The following ACTN3 variants were observed in gnomAD, a reference collection of about 807,000 sequenced individuals.
The protein encoded by ACTN3 is alpha-actinin-3.
A neutral mutation model predicts 119.6 loss-of-function variants in ACTN3; 91 were observed. The observed-to-expected ratio is 0.76, with a 90% CI of 0.64 to 0.91. ACTN3 has a LOEUF of 0.91. Among genes scored for constraint, ACTN3 ranks in the 40% least tolerant of loss-of-function variants. The probability of loss-of-function intolerance (pLI) is 0.00; values close to 1 mark genes in which losing one functional copy is unlikely to be tolerated. For synonymous variants in ACTN3, 456 were observed against 478.8 expected (o/e 0.95, Z 0.62); for missense variants, 1,221 against 1,215.1 (o/e 1.00, Z -0.07).
rs758425045 is a variant in ACTN3 at position 66,561,509 on chromosome 11, G to C, written c.2047G>C (p.Ala683Pro). The C allele has an allele frequency of 6.2e-7, 1 of 1,605,912 alleles. No homozygotes were observed. The highest frequency in any genetic ancestry group is 8.5e-7 in the Non-Finnish European group (1 of 1,176,276). ...AGCTGGCTCTCTGGAGGAGCAGATGGCTGGGCTACGGCAGCAGGAGCAGAA... is the reference window on the plus strand; with the variant it reads ...AGCTGGCTCTCTGGAGGAGCAGATGCCTGGGCTACGGCAGCAGGAGCAGAA... The part of the protein sequence containing the change: ...GLAGSLEEQM[A>P]GLRQQEQNII... The change falls in exon 17 of 21, where the codon GCT becomes CCT. Residue 683 changes from alanine to proline, a missense_variant. Ala to Pro is a conservative substitution (Grantham distance 27). Around this residue, in one of 3 missense-constraint regions of ACTN3, gnomAD observed 934 missense variants for 899.9 expected, o/e 1.04. Coordinates refer to ENST00000513398, the MANE Select transcript of ACTN3 (RefSeq NM_001104.4).
At chr11:66,561,149 G>C (rs1857749519) in intron 15 of ACTN3, 78 bp from the exon 16 acceptor site, 3 of 1,448,184 alleles carry the variant, frequency 2.1e-6, no homozygotes, top group Non-Finnish European at 2.7e-6. Flanking sequence ...GCTGAGGTTT[G>C]AGGGGCTGGA....
rs1044294752 is a variant in ACTN3 at position 66,559,535 on chromosome 11, G to A, written c.1427+149G>A. 1.0e-5 allele frequency: 8 copies of A among 768,000 alleles called. No homozygotes were observed. The African/African-American group carries it at 1.5e-4, about 14-fold the overall frequency. The allele number at this position is 768,000 out of a possible 1,614,324, so 47.6% of individuals were successfully genotyped here. A position where few individuals can be genotyped will look rare whatever the true frequency, so the allele number is the denominator to read the frequency against. ...GTGGTACCCAGGTCCCATTCGCTCC[G>A]CCCCTCCTGGAACCCCACCCCCACC... On this transcript the variant is annotated intron_variant, in intron 12 of 20. Coordinates refer to ENST00000513398, the MANE Select transcript of ACTN3 (RefSeq NM_001104.4).
At chr11:66,560,498 G>A in intron 14 of ACTN3, 75 bp from the exon 15 acceptor site, 2 of 1,524,550 alleles carry the variant, frequency 1.3e-6, no homozygotes, top group South Asian at 2.5e-5. Flanking sequence ...GGTGGCCTGG[G>A]GCACACTGCT....
rs1285741744 is a variant in ACTN3 at position 66,563,041 on chromosome 11, A to C, written c.2554A>C (p.Ile852Leu). Reference sequence around the variant, plus strand: ...CAACGCCTCTTCTCCCCAGAACTACATCACCCCCGAGGAGCTGCGGCGCGA... The same window carrying C: ...CAACGCCTCTTCTCCCCAGAACTACCTCACCCCCGAGGAGCTGCGGCGCGA... ...FKILAGDKNY[I>L]TPEELRRELP... Residue 852 changes from isoleucine (I) to leucine (L), a missense_variant, in exon 21 of 21, where the codon ATC becomes CTC. This residue lies in a region of ACTN3 where 934 missense variants were observed against 899.9 expected (regional missense o/e 1.04). Transcript: ENST00000513398. 5 of 1,611,132 alleles carry C rather than the reference A, an allele frequency of 3.1e-6. No homozygotes were observed. The Admixed American group carries it at 8.4e-5, about 27-fold the overall frequency.
chr11:66,552,532 G>A (rs1397444029), intron 3 of ACTN3, among the ~76,000 whole-genome samples: 1 of 152,066 alleles, frequency 6.6e-6, no homozygotes, highest in Non-Finnish European at 1.5e-5. Context: ...TTTGAGCCCG[G>A]GAATTGGAGA....
Position 66,560,720 on chromosome 11 carries a change from C to T in ACTN3, c.1825C>T (p.Leu609Phe). ...RPCSTNPYIT[L>F]SPQDINTKWD... ...CTGCTCCACCAATCCCTACATCACC[C>T]TCAGCCCGCAGGACATCAACACCAA... is the stretch of plus-strand genomic sequence containing the variant. Residue 609 changes from leucine (L) to phenylalanine (F), a missense_variant, in exon 15 of 21, where the codon CTC (leucine) becomes TTC (phenylalanine). Leu to Phe is a conservative substitution (Grantham distance 22). Coordinates refer to ENST00000513398, the MANE Select transcript of ACTN3 (RefSeq NM_001104.4). The T allele has an allele frequency of 2.5e-6, 4 of 1,613,636 alleles. No homozygotes were observed. Among genetic ancestry groups the T allele is most frequent in the Non-Finnish European group, 3.4e-6 (4 of 1,179,682 alleles).
In ACTN3 at chr11:66,559,475, A is replaced by G. The variant is rs1425535114; in HGVS notation, c.1427+89A>G. The G allele has an allele frequency of 3.9e-6, 5 of 1,286,496 alleles. No individual in the cohort carries two copies. In the African/African-American group the frequency reaches 4.6e-5, roughly 12 times the overall value. 79.7% of individuals were successfully genotyped at this position (1,286,496 alleles called of 1,614,324 possible). A position where few individuals can be genotyped will look rare whatever the true frequency, so the allele number is the denominator to read the frequency against. Reference sequence around the variant, plus strand: ...ACCCTGATCCCCATTGCCCTTCTCAAGACACTAGGCTCTCCTGGGTTCTGT... The same window carrying G: ...ACCCTGATCCCCATTGCCCTTCTCAGGACACTAGGCTCTCCTGGGTTCTGT... On this transcript the variant is annotated intron_variant, in intron 12 of 20. Coordinates refer to ENST00000513398, the MANE Select transcript of ACTN3 (RefSeq NM_001104.4).
intron 9 of ACTN3, 66 bp downstream of exon 9, chr11:66,557,291 C>T (rs677488): frequency 0.54 from 792,745 of 1,468,262 alleles, 218,044 homozygotes; most frequent in African/African-American, 0.75. Flanking sequence ...CCCTGCTAAC[C>T]CCAAGCGTGG....
intron 19 of ACTN3, 59 bp downstream of exon 19, chr11:66,562,381 C>A: frequency 6.4e-7 from 1 of 1,552,844 alleles, no homozygotes; most frequent in South Asian, 1.1e-5. Flanking sequence ...CTGTGCTGAT[C>A]ACCTACTGTG....
rs61890371 is a variant in ACTN3 at position 66,555,636 on chromosome 11, G to A, written c.718+269G>A. On this transcript the variant is annotated intron_variant, in intron 7 of 20. Coordinates refer to ENST00000513398, the MANE Select transcript of ACTN3 (RefSeq NM_001104.4). Reference sequence around the variant, plus strand: ...GTTACCTGGGTTACCTGGGATGTTGGTCCCCCAAGACTGGCAGCTCCCCTG... The same window carrying A: ...GTTACCTGGGTTACCTGGGATGTTGATCCCCCAAGACTGGCAGCTCCCCTG... Among the ~76,000 whole-genome samples the A allele has an allele frequency of 3.7e-3, 563 of 152,280 alleles. 1 individual carries two copies. Among genetic ancestry groups the A allele is most frequent in the Non-Finnish European group, 6.5e-3 (439 of 68,024 alleles).
chr11:66,561,318 C>A lies in ACTN3; in HGVS notation c.1952C>A (p.Ala651Asp). Residue 651 changes from alanine to aspartate, a missense_variant, in exon 16 of 21, where the codon GCC becomes GAC. By Grantham distance (126) the Ala-to-Asp change is moderately radical. Around this residue, in one of 3 missense-constraint regions of ACTN3, gnomAD observed 934 missense variants for 899.9 expected, o/e 1.04. Coordinates refer to ENST00000513398, the MANE Select transcript of ACTN3 (RefSeq NM_001104.4). ...GAGAGGCTCCGGCGACAGTTTGCGGCCCAGGCCAATGCCATTGGACCCTGG... is the reference window on the plus strand; with the variant it reads ...GAGAGGCTCCGGCGACAGTTTGCGGACCAGGCCAATGCCATTGGACCCTGG... ...VNERLRRQFA[A>D]QANAIGPWIQ... is the part of the protein sequence containing the mutation. 6.2e-7 allele frequency: 1 copy of A among 1,611,372 alleles called. No individual in the cohort carries two copies. The highest frequency in any genetic ancestry group is 2.2e-5 in the East Asian group (1 of 44,826).
intron 1 of ACTN3, among the ~76,000 whole-genome samples, chr11:66,547,599 G>A (rs986340087): frequency 6.6e-6 from 1 of 152,070 alleles, no homozygotes; most frequent in Non-Finnish European, 1.5e-5. Flanking sequence ...CCCAGAAAGA[G>A]CACAGACAGG....
Position 66,562,871 on chromosome 11 carries a change from A to G in ACTN3, c.2464A>G (p.Ile822Val). 1 of 1,613,834 alleles carries G rather than the reference A, an allele frequency of 6.2e-7. No homozygotes were observed. Among genetic ancestry groups the G allele is most frequent in the Non-Finnish European group, 8.5e-7 (1 of 1,179,820 alleles). The change falls in exon 20 of 21, where the codon ATA (isoleucine) becomes GTA (valine). Residue 822 changes from isoleucine to valine, a missense_variant. Ile to Val is a conservative substitution (Grantham distance 29). Transcript: ENST00000513398. ...AAGVVTFQAFIDFMTRETAET... is the reference protein window; with the variant it reads ...AAGVVTFQAFVDFMTRETAET... ...TGGGGTGGTGACCTTCCAGGCCTTC[A>G]TAGACTTCATGACCCGAGAGACAGC... is the stretch of plus-strand genomic sequence containing the variant.
intron 18 of ACTN3, 33 bp downstream of exon 18, chr11:66,562,201 A>G: frequency 5.6e-6 from 9 of 1,613,844 alleles, no homozygotes; most frequent in Non-Finnish European, 7.6e-6. Flanking sequence ...GGGGTAAGAC[A>G]CTTGGGGGCT....
intron 6 of ACTN3, 22 bp downstream of exon 6, chr11:66,555,230 G>A: frequency 6.2e-7 from 1 of 1,613,832 alleles, no homozygotes; most frequent in Non-Finnish European, 8.5e-7. Context: ...CACCACCCCA[G>A]CCCAAGGCCT....
intron 1 of ACTN3, among the ~76,000 whole-genome samples, chr11:66,548,596 G>T (rs577216633): frequency 6.6e-6 from 1 of 152,108 alleles, no homozygotes; most frequent in Non-Finnish European, 1.5e-5. Flanking sequence ...CTTGTCCAGC[G>T]TTGTTTATTG....
At position 66,559,424 on chromosome 11, in the gene ACTN3, C is replaced by CGGCCCCGCCCCCGGTGGCG. The variant is rs1393267130; in HGVS notation, c.1427+39_1427+57dup. On this transcript the variant is annotated intron_variant, in intron 12 of 20. Transcript: ENST00000513398. ...TCGCGGGGCCCGCCCCCAACACCCC[C>CGGCCCCGCCCCCGGTGGCG]GGCCCCGCCCCCGGTGGCGAGCCCC... 4 of 1,426,322 alleles carry CGGCCCCGCCCCCGGTGGCG rather than the reference C, an allele frequency of 2.8e-6. No homozygotes were observed. In the African/African-American group the frequency reaches 6.1e-5, roughly 22 times the overall value. 88.4% of individuals were successfully genotyped at this position (1,426,322 alleles called of 1,614,324 possible).
intron 11 of ACTN3, 67 bp from the exon 12 acceptor site, chr11:66,559,169 C>G: frequency 7.1e-7 from 1 of 1,402,698 alleles, no homozygotes; most frequent in Non-Finnish European, 9.3e-7. Context: ...TTCATGGTCA[C>G]GCAGCCCGCC....
In ACTN3 at chr11:66,560,335, T is replaced by C. The variant is rs767628503; in HGVS notation, c.1677+24T>C. ...AGGTGGGTGCCAGGGTTGCAGGGGA[T>C]GGATAGGATGACAGGAAAGCTGGCC... On this transcript the variant is annotated intron_variant, in intron 14 of 20. Transcript: ENST00000513398. 1.1e-5 allele frequency: 18 copies of C among 1,602,096 alleles called. 1 individual carries two copies. Among genetic ancestry groups the C allele is most frequent in the Non-Finnish European group, 1.5e-5 (18 of 1,172,740 alleles).
Sources: gnomAD v4.1 joint callset for allele counts (sites outside exome capture counted in the v4.1 genomes callset) on GRCh38, gnomAD v4.1.1 for gene constraint, gnomAD v4.1.1 regional missense constraint, MANE v1.5 for transcripts, NCBI Gene and HGNC (gene_info 2026-07-23, HGNC 2026-07-21) for gene names.